SSBP3: variants seen among roughly 807,000 people sequenced by gnomAD.
The protein encoded by SSBP3 is single-stranded DNA-binding protein 3.
SSBP3 carries 5 observed loss-of-function variants against 69.6 expected under a neutral mutation model. The ratio of observed to expected loss-of-function variants is 0.07; its 90% CI spans 0.04 to 0.15. The LOEUF is 0.15. SSBP3 is among the 10% of genes least tolerant of loss of function. The pLI, the probability that SSBP3 is intolerant of heterozygous loss-of-function variation, is 1.00. For missense variants in SSBP3, 312 were observed against 534.0 expected, an observed-to-expected ratio of 0.58 and a Z score of 4.10; for synonymous variants, 196 against 193.4, an observed-to-expected ratio of 1.01 and a Z score of -0.11.
intron 4 of SSBP3, among the ~76,000 whole-genome samples, chr1:54,303,848 G>A (rs1290963966): frequency 4.6e-5 from 7 of 152,248 alleles, no homozygotes; most frequent in Non-Finnish European, 2.9e-5. Flanking sequence ...GAATATATTT[G>A]GTCATAATTA....
In SSBP3 at chr1:54,228,274, TGGA is replaced by T. The variant is rs778884724; in HGVS notation, c.1115_1117del (p.Leu372del). On this transcript the variant is annotated inframe_deletion, in exon 17 of 18. Coordinates refer to ENST00000610401, the Ensembl canonical transcript of SSBP3. ...GCTTACATTGTCGTTCTGAAAGGAG[TGGA>T]GGAAGTTCCCTCCTAGCTCGCCGTC... 1.9e-6 allele frequency: 3 copies of T among 1,612,692 alleles called. No homozygotes were observed. In the African/African-American group the frequency reaches 4.0e-5, roughly 22 times the overall value.
chr1:54,259,762 C>T (rs1644986695), intron 5 of SSBP3, among the ~76,000 whole-genome samples: 1 of 152,160 alleles, frequency 6.6e-6, no homozygotes, highest in African/African-American at 2.4e-5. Flanking sequence ...CCGAGGGCGC[C>T]GCCGCTGTGA....
chr1:54,255,899 C>T (rs1201771580), intron 7 of SSBP3, among the ~76,000 whole-genome samples: 1 of 152,120 alleles, frequency 6.6e-6, no homozygotes, highest in African/African-American at 2.4e-5. Context: ...TGGTGAAAGC[C>T]TGTCTCTATT....
At chr1:54,239,107 A>C (rs1451996300) in intron 14 of SSBP3, 22 bp downstream of exon 14, 1 of 1,603,522 alleles carries the variant, frequency 6.2e-7, no homozygotes, top group South Asian at 1.1e-5. Flanking sequence ...CTGATATGTA[A>C]ATTATTAGAA....
intron 5 of SSBP3, among the ~76,000 whole-genome samples, chr1:54,273,446 A>T (rs1485802789): frequency 6.6e-6 from 1 of 152,202 alleles, no homozygotes; most frequent in East Asian, 1.9e-4. Flanking sequence ...CGTCAGGAGT[A>T]ACCTTTTGTC....
At chr1:54,257,953 T>A (rs1052919202) in intron 6 of SSBP3, 116 bp downstream of exon 6, 15 of 962,868 alleles carry the variant, frequency 1.6e-5, no homozygotes, top group Non-Finnish European at 2.1e-5. Flanking sequence ...AATTTGTCAA[T>A]AAAGACTCGC....
intron 4 of SSBP3, among the ~76,000 whole-genome samples, chr1:54,376,014 G>A (rs1647221448): frequency 6.6e-6 from 1 of 152,110 alleles, no homozygotes; most frequent in East Asian, 1.9e-4. Context: ...CAGGGAGGGA[G>A]GGGGAGGAAA....
chr1:54,400,125 T>C (rs1354590773), intron 4 of SSBP3, among the ~76,000 whole-genome samples: 1 of 152,224 alleles, frequency 6.6e-6, no homozygotes, highest in Non-Finnish European at 1.5e-5. Flanking sequence ...GTGCAAACTT[T>C]CATGGCCGCC....
intron 4 of SSBP3, among the ~76,000 whole-genome samples, chr1:54,400,399 G>A (rs1266401163): frequency 1.3e-5 from 2 of 151,692 alleles, no homozygotes; most frequent in Non-Finnish European, 2.9e-5. Flanking sequence ...TTACTAGGTA[G>A]AAAGGTCAAA....
At chr1:54,393,388 C>T (rs1381091917) in intron 4 of SSBP3, among the ~76,000 whole-genome samples, 1 of 152,196 alleles carries the variant, frequency 6.6e-6, no homozygotes, top group Non-Finnish European at 1.5e-5. Flanking sequence ...TTCACAGGCA[C>T]ACACCTCTCA....
intron 13 of SSBP3, among the ~76,000 whole-genome samples, chr1:54,239,567 G>A (rs1216066522): frequency 6.6e-6 from 1 of 152,108 alleles, no homozygotes; most frequent in Non-Finnish European, 1.5e-5. Flanking sequence ...CCTACAAAGT[G>A]GTTTTAATCA....
In SSBP3 at chr1:54,252,493, T is replaced by C. The variant is rs555929016; in HGVS notation, c.508-633A>G. ...GGTCACATCCCATCAGCTTCTACAATAGGAAATGCCACCCAGCCCCGGGGC... is the reference window on the plus strand; with the variant it reads ...GGTCACATCCCATCAGCTTCTACAACAGGAAATGCCACCCAGCCCCGGGGC... On this transcript the variant is annotated intron_variant, in intron 7 of 17. Coordinates refer to ENST00000610401, the Ensembl canonical transcript of SSBP3. Among the ~76,000 whole-genome samples the C allele has an allele frequency of 7.2e-5, 11 of 151,834 alleles. No individual in the cohort carries two copies. The South Asian group carries it at 1.7e-3, about 23-fold the overall frequency.
At chr1:54,265,606 A>G (rs1163429451) in intron 5 of SSBP3, among the ~76,000 whole-genome samples, 2 of 152,124 alleles carry the variant, frequency 1.3e-5, no homozygotes, top group African/African-American at 2.4e-5. Context: ...GAGGACAAGG[A>G]GAGGGCTGGG....
chr1:54,294,664 G>C (rs1645672869), intron 4 of SSBP3, among the ~76,000 whole-genome samples: 1 of 152,192 alleles, frequency 6.6e-6, no homozygotes, highest in African/African-American at 2.4e-5. Flanking sequence ...GGGTTACTGA[G>C]ACCTAGTGGC....
Position 54,240,887 on chromosome 1 carries a change from C to A in SSBP3, c.856+18G>T, listed in dbSNP as rs1051810065. On this transcript the variant is annotated intron_variant, in intron 13 of 17. Coordinates refer to ENST00000610401, the Ensembl canonical transcript of SSBP3. ...CCTCCACCACCAGACCCCCCACTTT[C>A]CCCTCAAGCGCTCTTACCTGCGGGA... The A allele has an allele frequency of 6.2e-7, 1 of 1,613,012 alleles. No individual in the cohort carries two copies. The highest frequency in any genetic ancestry group is 8.5e-7 in the Non-Finnish European group (1 of 1,179,340).
In SSBP3 at chr1:54,357,466, A is replaced by G. The variant is rs72912145; in HGVS notation, c.276+44395T>C. Among the ~76,000 whole-genome samples the G allele has an allele frequency of 3.9e-3, 588 of 152,250 alleles. 1 individual carries two copies. The highest frequency in any genetic ancestry group is 0.014 in the African/African-American group (565 of 41,526). On this transcript the variant is annotated intron_variant, in intron 4 of 17. Coordinates refer to ENST00000610401, the Ensembl canonical transcript of SSBP3. ...GGTGTACCATAAGGGTGCTAGCACT[A>G]TTTGTGAAGAAAAGAGAGAAAATTC... is the stretch of plus-strand genomic sequence containing the variant.
At chr1:54,376,197 T>G (rs1647230657) in intron 4 of SSBP3, among the ~76,000 whole-genome samples, 1 of 151,970 alleles carries the variant, frequency 6.6e-6, no homozygotes, top group Non-Finnish European at 1.5e-5. Context: ...CGTGGGTGTG[T>G]GTGTGTGTGT....
intron 9 of SSBP3, among the ~76,000 whole-genome samples, chr1:54,246,196 A>G (rs920872346): frequency 2.6e-5 from 4 of 152,178 alleles, no homozygotes; most frequent in African/African-American, 9.7e-5. Flanking sequence ...GTGTGCACTG[A>G]TTTGGGACGT....
At chr1:54,375,322 T>TG (rs1026476445) in intron 4 of SSBP3, among the ~76,000 whole-genome samples, 6 of 151,200 alleles carry the variant, frequency 4.0e-5, no homozygotes, top group East Asian at 2.0e-4. Flanking sequence ...CATTCCTACT[T>TG]GGGGGGGATC....
Sources: allele counts gnomAD v4.1 joint callset (sites outside exome capture counted in the v4.1 genomes callset), GRCh38; gene constraint gnomAD v4.1.1; transcripts MANE v1.5; gene names NCBI Gene and HGNC (gene_info 2026-07-23, HGNC 2026-07-21).